The following SLC22A25 variants were observed in gnomAD, a reference collection of about 807,000 sequenced individuals.
SLC22A25 encodes the protein MGI:2442751, MGI:2385316, MGI:3042283, MGI:3645714, MGI:3605624, MGI:2442750.
Under a neutral mutation model 45.9 loss-of-function variants are expected in SLC22A25, and 44 were observed. The observed-to-expected ratio is 0.96, with a 90% CI of 0.75 to 1.23. The LOEUF (loss-of-function observed/expected upper bound fraction) is 1.23. Among genes scored for constraint, SLC22A25 ranks in the 50% most tolerant of loss-of-function variants. The probability of loss-of-function intolerance (pLI) is 0.00; values close to 1 mark genes in which losing one functional copy is unlikely to be tolerated. For missense variants in SLC22A25, 800 were observed against 666.4 expected (o/e 1.20, Z -2.21); for synonymous variants, 283 against 238.6 (o/e 1.19, Z -1.72).
At chr11:63,239,910 C>T (rs1264529103) in intron 1 of SLC22A25, among the ~76,000 whole-genome samples, 2 of 152,176 alleles carry the variant, frequency 1.3e-5, no homozygotes, top group East Asian at 1.9e-4. Flanking sequence ...TAAATATTCA[C>T]ACTCTGATAT....
chr11:63,235,057 C>A (rs1429742771), intron 3 of SLC22A25, among the ~76,000 whole-genome samples: 1 of 152,158 alleles, frequency 6.6e-6, no homozygotes, highest in Non-Finnish European at 1.5e-5. Context: ...TTCTCTCTGG[C>A]TGCCCTTAAC....
At chr11:63,221,846 G>T (rs1020024699) in intron 5 of SLC22A25, among the ~76,000 whole-genome samples, 2 of 151,994 alleles carry the variant, frequency 1.3e-5, no homozygotes, top group Non-Finnish European at 2.9e-5. Context: ...TCTTTTGCAT[G>T]TGGATATCCA....
intron 7 of SLC22A25, among the ~76,000 whole-genome samples, chr11:63,213,923 A>G (rs2134807592): frequency 6.6e-6 from 1 of 152,326 alleles, no homozygotes; most frequent in East Asian, 1.9e-4. Context: ...CTCAAGCCTT[A>G]CCTTCTGGGA....
At chr11:63,231,970 C>G (rs1393670522) in intron 3 of SLC22A25, among the ~76,000 whole-genome samples, 1 of 152,112 alleles carries the variant, frequency 6.6e-6, no homozygotes, top group Non-Finnish European at 1.5e-5. Flanking sequence ...TCTGAGGGCT[C>G]TGTTCTGTTC....
chr11:63,229,277 A>G lies in SLC22A25; in HGVS notation c.376T>C (p.Ser126Pro), dbSNP rs1351592787. The change falls in exon 4 of 12, where the codon TCC (serine) becomes CCC (proline). Residue 126 changes from serine to proline, a missense_variant. Ser to Pro is a moderately conservative substitution (Grantham distance 74, BLOSUM62 -1). Coordinates refer to ENST00000306494, the MANE Select transcript of SLC22A25 (RefSeq NM_199352.6). ...CVDGWVYDQS[S>P]FPSTIVTKWD... ...TTAGTCACAATGGTGGAAGGGAAGG[A>G]GCTTTGGTCATATACCCAGCCATCC... The G allele has an allele frequency of 6.5e-7, 1 of 1,548,904 alleles. No homozygotes were observed. Among genetic ancestry groups the G allele is most frequent in the Non-Finnish European group, 8.7e-7 (1 of 1,145,038 alleles).
chr11:63,220,174 A>G (rs1221775880), intron 5 of SLC22A25: 4 of 378,416 alleles, frequency 1.1e-5, no homozygotes, highest in Non-Finnish European at 2.0e-5. Flanking sequence ...GACAAAAAAA[A>G]TCAAGAATCC....
At chr11:63,198,612 A>G (rs1590848472) in intron 7 of SLC22A25, among the ~76,000 whole-genome samples, 1 of 152,272 alleles carries the variant, frequency 6.6e-6, no homozygotes, top group East Asian at 1.9e-4. Flanking sequence ...AGAAATACCT[A>G]ATGTAAATGA....
At chr11:63,218,268 G>A (rs2089770606) in intron 5 of SLC22A25, 2 of 335,022 alleles carry the variant, frequency 6.0e-6, no homozygotes, top group Non-Finnish European at 1.2e-5. Context: ...ACATTACAAT[G>A]TCCTCAACTT....
intron 3 of SLC22A25, among the ~76,000 whole-genome samples, chr11:63,236,833 T>A (rs2090173041): frequency 6.6e-6 from 1 of 152,188 alleles, no homozygotes; most frequent in African/African-American, 2.4e-5. Context: ...TATATGCATC[T>A]CTGTTTCTTC....
At chr11:63,185,380 A>T (rs1385903172) in intron 7 of SLC22A25, among the ~76,000 whole-genome samples, 1 of 151,644 alleles carries the variant, frequency 6.6e-6, no homozygotes, top group Non-Finnish European at 1.5e-5. Flanking sequence ...GAGTGAGAAC[A>T]TGTGGTGTTT....
At chr11:63,202,795 C>T (rs2089287980) in intron 7 of SLC22A25, among the ~76,000 whole-genome samples, 1 of 152,238 alleles carries the variant, frequency 6.6e-6, no homozygotes, top group Admixed American at 6.5e-5. Flanking sequence ...GAGCACAGTG[C>T]TTGAGCTCTG....
intron 9 of SLC22A25, among the ~76,000 whole-genome samples, chr11:63,178,192 A>G (rs1433228852): frequency 6.6e-6 from 1 of 151,906 alleles, no homozygotes; most frequent in Non-Finnish European, 1.5e-5. Context: ...CGCCCTGCCA[A>G]TATACCCCAT....
intron 5 of SLC22A25, among the ~76,000 whole-genome samples, chr11:63,221,710 A>G (rs940554296): frequency 1.3e-5 from 2 of 152,126 alleles, no homozygotes; most frequent in Non-Finnish European, 2.9e-5. Context: ...TGCCCAGTCC[A>G]ATGTCCTGGA....
chr11:63,240,138 A>G (rs940720065), intron 1 of SLC22A25, among the ~76,000 whole-genome samples: 2 of 152,174 alleles, frequency 1.3e-5, no homozygotes, highest in African/African-American at 2.4e-5. Flanking sequence ...ATTATAATAC[A>G]TTGGTGCTTG....
intron 7 of SLC22A25, among the ~76,000 whole-genome samples, chr11:63,188,496 G>A (rs1050111615): frequency 6.6e-6 from 1 of 152,088 alleles, no homozygotes; most frequent in Non-Finnish European, 1.5e-5. Flanking sequence ...CAAAAAACCA[G>A]CTCCTGGATT....
intron 7 of SLC22A25, among the ~76,000 whole-genome samples, chr11:63,202,898 A>T (rs2089290866): frequency 6.6e-6 from 1 of 152,298 alleles, no homozygotes; most frequent in South Asian, 2.1e-4. Context: ...GACACCTCAT[A>T]CAGGAGAGCT....
At chr11:63,169,131 T>A (rs933361607) in intron 9 of SLC22A25, among the ~76,000 whole-genome samples, 2 of 152,148 alleles carry the variant, frequency 1.3e-5, no homozygotes, top group African/African-American at 4.8e-5. Context: ...AGGGATTTTG[T>A]CACCAGCAGG....
chr11:63,187,434 G>A (rs1406856086), intron 7 of SLC22A25, among the ~76,000 whole-genome samples: 2 of 152,180 alleles, frequency 1.3e-5, no homozygotes, highest in South Asian at 2.1e-4. Context: ...ATCAGCTTAA[G>A]GAGATTTTGG....
In SLC22A25 at chr11:63,164,563, T is replaced by C. The variant is rs749346921; in HGVS notation, c.1357A>G (p.Thr453Ala). The change falls in exon 11 of 12, where the codon ACT becomes GCT. Residue 453 changes from threonine to alanine, a missense_variant. Physicochemically the swap from Thr to Ala is moderately conservative, Grantham distance 58 (BLOSUM62 0). Transcript: ENST00000306494. ...GAASLGITCS[T>A]AQENELIPSI... is the part of the protein sequence containing the mutation. ...GGAATTAGTTCATTTTCTTGGGCAG[T>C]AGAACAGGTAATGCCAAGAGAAGCA... The C allele has an allele frequency of 6.8e-6, 11 of 1,613,684 alleles. No homozygotes were observed. Among genetic ancestry groups the C allele is most frequent in the Non-Finnish European group, 9.3e-6 (11 of 1,179,818 alleles).
Sources: gnomAD v4.1 joint callset for allele counts (sites outside exome capture counted in the v4.1 genomes callset) on GRCh38, gnomAD v4.1.1 for gene constraint, MANE v1.5 for transcripts, NCBI Gene and HGNC (gene_info 2026-07-23, HGNC 2026-07-21) for gene names.